CELF4: variants seen among roughly 807,000 people sequenced by gnomAD.
CELF4 encodes CUG-BP- and ETR-3-like factor 4.
In CELF4, 18 loss-of-function variants were observed where a neutral mutation model predicts 59.9. That is an observed-to-expected ratio of 0.30 (90% CI 0.21 to 0.45). CELF4 has a LOEUF of 0.45. Among genes scored for constraint, CELF4 ranks in the 20% least tolerant of loss-of-function variants. The probability of loss-of-function intolerance (pLI) is 1.00; values close to 1 mark genes in which losing one functional copy is unlikely to be tolerated. For missense variants in CELF4, 456 were observed against 689.0 expected, an observed-to-expected ratio of 0.66 and a Z score of 3.79; for synonymous variants, 261 against 267.1, an observed-to-expected ratio of 0.98 and a Z score of 0.22.
intron 2 of CELF4, among the ~76,000 whole-genome samples, chr18:37,363,406 C>T (rs1363819486): frequency 6.6e-6 from 1 of 152,184 alleles, no homozygotes; most frequent in East Asian, 1.9e-4. Context: ...AAACATTCTT[C>T]ACGTGAGAGA....
chr18:37,458,847 C>T (rs904502741), intron 2 of CELF4, among the ~76,000 whole-genome samples: 3 of 152,230 alleles, frequency 2.0e-5, no homozygotes, highest in East Asian at 1.9e-4. Context: ...CTGTTGTTTG[C>T]AGAGTTACTC....
intron 1 of CELF4, among the ~76,000 whole-genome samples, chr18:37,508,706 C>T (rs1363206111): frequency 6.6e-6 from 1 of 152,242 alleles, no homozygotes; most frequent in Non-Finnish European, 1.5e-5. Flanking sequence ...GTCTGGTGGA[C>T]TGGGGGCCTG....
chr18:37,494,337 T>C (rs2099922469), intron 1 of CELF4, among the ~76,000 whole-genome samples: 1 of 152,230 alleles, frequency 6.6e-6, no homozygotes, highest in African/African-American at 2.4e-5. Flanking sequence ...TCAGGGCTGA[T>C]GGGCCCATGA....
At chr18:37,356,597 C>T (rs1008162866) in intron 2 of CELF4, among the ~76,000 whole-genome samples, 2 of 151,986 alleles carry the variant, frequency 1.3e-5, no homozygotes, top group African/African-American at 2.4e-5. Flanking sequence ...ATTCAGGTCC[C>T]TGGGCACTAG....
chr18:37,389,265 G>T lies in CELF4; in HGVS notation c.370-67384C>A, dbSNP rs144593589. ...AATTACTGATACCAATCTCCTTCAA[G>T]CAGCCCAGCCCTTCCCTGGGCCTCC... On this transcript the variant is annotated intron_variant, in intron 2 of 12. Coordinates refer to ENST00000420428, the MANE Select transcript of CELF4 (RefSeq NM_020180.4). Among the ~76,000 whole-genome samples the T allele has an allele frequency of 3.3e-5, 5 of 152,270 alleles. No homozygotes were observed. In the East Asian group the frequency reaches 9.7e-4, roughly 29 times the overall value.
intron 1 of CELF4, among the ~76,000 whole-genome samples, chr18:37,512,883 C>T (rs114745912): frequency 0.016 from 2,419 of 152,188 alleles, 68 homozygotes; most frequent in African/African-American, 0.054. Context: ...CTCCTCTCTG[C>T]CCTTGTCTTT....
chr18:37,319,502 G>A (rs892454723), intron 3 of CELF4, among the ~76,000 whole-genome samples: 1 of 152,196 alleles, frequency 6.6e-6, no homozygotes, highest in Non-Finnish European at 1.5e-5. Context: ...GGTTGGGAGG[G>A]GGCCTGAGTC....
intron 2 of CELF4, among the ~76,000 whole-genome samples, chr18:37,430,492 C>A (rs983084078): frequency 2.0e-5 from 3 of 152,148 alleles, no homozygotes; most frequent in Non-Finnish European, 2.9e-5. Context: ...GTGAAGCCAG[C>A]AAGGATGGTG....
At chr18:37,251,075 A>C (rs994441585) in intron 12 of CELF4, among the ~76,000 whole-genome samples, 2 of 152,118 alleles carry the variant, frequency 1.3e-5, no homozygotes, top group Non-Finnish European at 2.9e-5. Flanking sequence ...CCCTGGCTTC[A>C]AAGCTTGGCT....
At chr18:37,414,524 C>T (rs565401867) in intron 2 of CELF4, among the ~76,000 whole-genome samples, 152 of 77,898 alleles carry the variant, frequency 2.0e-3, no homozygotes, top group South Asian at 4.3e-3. Flanking sequence ...TTTTTTGAGA[C>T]GGAGTCTTGC....
intron 3 of CELF4, among the ~76,000 whole-genome samples, chr18:37,317,247 C>T (rs775269585): frequency 1.3e-5 from 2 of 152,180 alleles, no homozygotes; most frequent in Non-Finnish European, 2.9e-5. Flanking sequence ...ATTAGCTAGG[C>T]GTGGTGGCGC....
intron 2 of CELF4, among the ~76,000 whole-genome samples, chr18:37,337,627 C>T (rs537638678): frequency 6.6e-6 from 1 of 152,222 alleles, no homozygotes; most frequent in African/African-American, 2.4e-5. Context: ...GAGGCTTCAT[C>T]TCCAGATGGC....
In CELF4 at chr18:37,253,885, T is replaced by C; in HGVS notation, c.1387A>G (p.Asn463Asp). 1 of 1,608,988 alleles carries C rather than the reference T, an allele frequency of 6.2e-7. No individual in the cohort carries two copies. Among genetic ancestry groups the C allele is most frequent in the Non-Finnish European group, 8.5e-7 (1 of 1,177,936 alleles). The change falls in exon 12 of 13, where the codon AAC (asparagine) becomes GAC (aspartate). Residue 463 changes from asparagine (N) to aspartate (D), a missense_variant. By Grantham distance (23) the Asn-to-Asp change is conservative. Coordinates refer to ENST00000420428, the MANE Select transcript of CELF4 (RefSeq NM_020180.4). The surrounding 1 kb of genome is among the most constrained non-coding windows in gnomAD (Gnocchi z 4.5). ...ASAQTAIQAM[N>D]GFQIGMKRLK... ...CTCTTCATGCCGATCTGGAAGCCGT[T>C]CATGGCCTGGATGGCGGTCTGCGCG...
intron 2 of CELF4, among the ~76,000 whole-genome samples, chr18:37,464,063 C>A (rs1049611232): frequency 6.6e-6 from 1 of 152,172 alleles, no homozygotes; most frequent in East Asian, 1.9e-4. Context: ...AGCCTTGTGG[C>A]GTATTTACAG....
intron 2 of CELF4, among the ~76,000 whole-genome samples, chr18:37,471,596 G>A (rs746198458): frequency 6.6e-6 from 1 of 152,076 alleles, no homozygotes; most frequent in African/African-American, 2.4e-5. Flanking sequence ...GTGACACTCA[G>A]TGAGCAGTCC....
chr18:37,565,312 C>T (rs762861453), intron 1 of CELF4, 44 bp downstream of exon 1: 4 of 1,461,168 alleles, frequency 2.7e-6, no homozygotes, highest in South Asian at 3.0e-5. Flanking sequence ...CCCGCCAGCC[C>T]GCTCCTGCTC....
intron 2 of CELF4, among the ~76,000 whole-genome samples, chr18:37,373,826 C>T (rs542959139): frequency 3.3e-5 from 5 of 152,304 alleles, no homozygotes; most frequent in Admixed American, 2.6e-4. Context: ...CCACTAGGCA[C>T]GTGAGAGGCC....
intron 2 of CELF4, among the ~76,000 whole-genome samples, chr18:37,323,992 G>T (rs1386136077): frequency 6.6e-6 from 1 of 152,116 alleles, no homozygotes; most frequent in Non-Finnish European, 1.5e-5. Context: ...CATAAAGGGA[G>T]ATTGAGGCCA....
chr18:37,461,842 G>A (rs941060933), intron 2 of CELF4, among the ~76,000 whole-genome samples: 2 of 152,220 alleles, frequency 1.3e-5, no homozygotes, highest in African/African-American at 2.4e-5. Flanking sequence ...AGTGCAGGTA[G>A]GAGACTAGCT....
Sources: allele counts gnomAD v4.1 joint callset (sites outside exome capture counted in the v4.1 genomes callset), GRCh38; gene constraint gnomAD v4.1.1; non-coding constraint Gnocchi (gnomAD v3.1); transcripts MANE v1.5; gene names NCBI Gene and HGNC (gene_info 2026-07-23, HGNC 2026-07-21).